Variants in CFAP74 observed in about 807,000 individuals in gnomAD.
The protein encoded by CFAP74 is cilia and flagella associated protein 74, also known as cilia- and flagella-associated protein 74.
Under a neutral mutation model 188.9 loss-of-function variants are expected in CFAP74, and 124 were observed. The observed-to-expected ratio is 0.66, with a 90% CI of 0.57 to 0.76. The LOEUF (loss-of-function observed/expected upper bound fraction) is 0.76. Ranked by LOEUF, CFAP74 falls within the 30% of genes least tolerant of loss-of-function variation. CFAP74 has a pLI of 0.00. For missense variants in CFAP74, 2,198 were observed against 2,165.2 expected (o/e 1.02, Z -0.30); for synonymous variants, 956 against 916.7 (o/e 1.04, Z -0.77).
rs551603373 is a variant in CFAP74, at chr1:1,988,694, T to C, written c.153-39A>G. On this transcript the variant is annotated intron_variant, in intron 3 of 38. Transcript: ENST00000682832. ...GGACGTCAGCTGCCACCACCCCAGC[T>C]GCAGGCTCAGAACTCATTCCTCGGT... 4 of 1,600,000 alleles carry C rather than the reference T, an allele frequency of 2.5e-6. No individual in the cohort carries two copies. In the South Asian group the frequency reaches 3.3e-5, roughly 13 times the overall value.
rs762932324 is a variant in CFAP74, at chr1:1,970,662, T to C, written c.1043A>G (p.Lys348Arg). ...GCACCTCTGCCACCACCCTCACCTC[T>C]TCTGGGCCTCCAGCTCCTGGCGCCG... ...QRRRQELEAQKRAFEEEQKLR... is the reference protein window; with the variant it reads ...QRRRQELEAQRRAFEEEQKLR... Residue 348 changes from lysine (K) to arginine (R), a missense_variant, in exon 10 of 39, where the codon AAG becomes AGG. Physicochemically the swap from Lys to Arg is conservative, Grantham distance 26 (BLOSUM62 2). Transcript: ENST00000682832. 8.1e-6 allele frequency: 13 copies of C among 1,606,264 alleles called. No individual in the cohort carries two copies. Among genetic ancestry groups the C allele is most frequent in the African/African-American group, 1.3e-5 (1 of 74,856 alleles).
chr1:1,957,927 A>G (rs1654775933), intron 16 of CFAP74, among the ~76,000 whole-genome samples: 1 of 152,242 alleles, frequency 6.6e-6, no homozygotes, highest in African/African-American at 2.4e-5. Flanking sequence ...CGGGTGCCCT[A>G]GGACGGCAGT....
At position 1,968,043 on chromosome 1, in the gene CFAP74, AGT is replaced by A. The variant is rs1655603824; in HGVS notation, c.1245+590_1245+591del. Among the ~76,000 whole-genome samples, 1 of 151,970 alleles carries A rather than the reference AGT, an allele frequency of 6.6e-6. No homozygotes were observed. The highest frequency in any genetic ancestry group is 1.5e-5 in the Non-Finnish European group (1 of 68,002). On this transcript the variant is annotated intron_variant, in intron 11 of 38. Transcript: ENST00000682832. The surrounding 1 kb of genome is among the most constrained non-coding windows in gnomAD (Gnocchi z 4.3). ...GAATGAGTGAATGAGTGAATGAATA[AGT>A]GTATCAGTGAGTGAGTGAATGAATG...
intron 6 of CFAP74, among the ~76,000 whole-genome samples, chr1:1,980,667 G>A (rs1167161658): frequency 6.6e-6 from 1 of 152,240 alleles, no homozygotes; most frequent in Non-Finnish European, 1.5e-5. Context: ...GGCCCCTTGC[G>A]TGCAGAGATG....
At chr1:1,977,095 A>G (rs1656499567) in intron 6 of CFAP74, among the ~76,000 whole-genome samples, 1 of 151,474 alleles carries the variant, frequency 6.6e-6, no homozygotes, top group Non-Finnish European at 1.5e-5. Context: ...TGATCCACCC[A>G]CCTTGGCTTC....
chr1:1,931,421 C>CT (rs1252688758), intron 25 of CFAP74, among the ~76,000 whole-genome samples: 5 of 95,636 alleles, frequency 5.2e-5, no homozygotes, highest in African/African-American at 9.0e-5. Context: ...CAGAGCAAGA[C>CT]CCCATCTCAA....
At chr1:1,995,869 C>T (rs1263685509) in intron 1 of CFAP74, among the ~76,000 whole-genome samples, 1 of 152,092 alleles carries the variant, frequency 6.6e-6, no homozygotes, top group Non-Finnish European at 1.5e-5. Context: ...GATTGCACCA[C>T]TGCACTCCAG....
intron 18 of CFAP74, among the ~76,000 whole-genome samples, chr1:1,949,036 C>CTCCCTCCT: frequency 1.0e-5 from 1 of 100,344 alleles, no homozygotes; most frequent in Non-Finnish European, 2.0e-5. Context: ...CTCTCCCTCC[C>CTCCCTCCT]TCCTTCCTTC....
intron 6 of CFAP74, among the ~76,000 whole-genome samples, chr1:1,981,623 A>G (rs1433134479): frequency 1.5e-5 from 1 of 64,844 alleles, no homozygotes. Context: ...GCGGACAGAC[A>G]CGGGGGCACG....
At chr1:1,934,919 G>C (rs1407204659) in intron 25 of CFAP74, among the ~76,000 whole-genome samples, 1 of 138,996 alleles carries the variant, frequency 7.2e-6, no homozygotes, top group African/African-American at 2.7e-5. Context: ...GTGGGTGTTA[G>C]GTTGTAGGTA....
chr1:1,955,936 C>T (rs1489712630), intron 17 of CFAP74, 86 bp from the exon 18 acceptor site: 22 of 1,501,154 alleles, frequency 1.5e-5, no homozygotes, highest in East Asian at 7.0e-5. Flanking sequence ...GAGGACAGGC[C>T]GTGTTGGGGG....
At chr1:1,991,906 G>A (rs1390897786) in intron 1 of CFAP74, among the ~76,000 whole-genome samples, 3 of 151,842 alleles carry the variant, frequency 2.0e-5, no homozygotes, top group East Asian at 2.0e-4. Context: ...CGGGCATGGT[G>A]GCAGGCGCCT....
At position 1,923,532 on chromosome 1, in the gene CFAP74, G is replaced by A. The variant is rs201273502; in HGVS notation, c.4390-33C>T. Reference sequence around the variant, plus strand: ...CAAGAAGTGGAGTGGCCTTGTCCCCGAAGCTCGGCGGCAGGGGTCCTGCTG... The same window carrying A: ...CAAGAAGTGGAGTGGCCTTGTCCCCAAAGCTCGGCGGCAGGGGTCCTGCTG... On this transcript the variant is annotated intron_variant, in intron 35 of 38. Transcript: ENST00000682832. The surrounding 1 kb of genome is among the most constrained non-coding windows in gnomAD (Gnocchi z 6.3). The A allele has an allele frequency of 8.5e-5, 136 of 1,594,422 alleles. No homozygotes were observed. The East Asian group carries it at 2.7e-3, about 32-fold the overall frequency.
intron 1 of CFAP74, among the ~76,000 whole-genome samples, chr1:1,994,432 T>G (rs1479156149): frequency 6.6e-6 from 1 of 152,196 alleles, no homozygotes; most frequent in African/African-American, 2.4e-5. Context: ...TTGGATAAAT[T>G]ATTAATGTAT....
chr1:1,967,812 C>G (rs761530543), intron 11 of CFAP74, among the ~76,000 whole-genome samples: 5 of 152,172 alleles, frequency 3.3e-5, no homozygotes, highest in Non-Finnish European at 5.9e-5. Flanking sequence ...GAAAGGTAAA[C>G]TAGAAATACA....
Position 1,975,151 on chromosome 1 carries a change from C to T in CFAP74, c.501-953G>A, listed in dbSNP as rs1321372538. The stretch of plus-strand genomic sequence containing the variant: ...CCCGCGATCATGTTCATTTCCACTT[C>T]GTCTTTCGTTAAAAGCTTTTCCTGT... On this transcript the variant is annotated intron_variant, in intron 6 of 38. Transcript: ENST00000682832. This position sits in a 1 kb window ranked among gnomAD's most constrained non-coding sequence, Gnocchi z 4.5. 6.6e-6 allele frequency among the ~76,000 whole-genome samples: 1 copy of T among 152,248 alleles called. No homozygotes were observed. The highest frequency in any genetic ancestry group is 1.5e-5 in the Non-Finnish European group (1 of 68,052).
intron 25 of CFAP74, among the ~76,000 whole-genome samples, chr1:1,938,483 C>G (rs1239354549): frequency 2.3e-5 from 1 of 44,424 alleles, no homozygotes; most frequent in African/African-American, 1.7e-4. Flanking sequence ...CACAGGCTCA[C>G]ACTGACAAAC....
At chr1:1,984,325 A>C (rs1256205977) in intron 6 of CFAP74, 1 of 150,070 alleles carries the variant, frequency 6.7e-6, no homozygotes, top group East Asian at 2.0e-4. Flanking sequence ...TTTTTAAAGA[A>C]GTGGACAATC....
intron 20 of CFAP74, 85 bp from the exon 21 acceptor site, chr1:1,944,537 G>T: frequency 7.1e-7 from 1 of 1,416,958 alleles, no homozygotes; most frequent in Non-Finnish European, 9.6e-7. Context: ...GCTCCCAGGA[G>T]GAACGTTTCA....
Sources: gnomAD v4.1 joint callset for allele counts (sites outside exome capture counted in the v4.1 genomes callset) on GRCh38, gnomAD v4.1.1 for gene constraint, Gnocchi (gnomAD v3.1) non-coding constraint, MANE v1.5 for transcripts, NCBI Gene and HGNC (gene_info 2026-07-23, HGNC 2026-07-21) for gene names.